The following CDH11 variants were observed in gnomAD, a reference collection of about 807,000 sequenced individuals.
CDH11 encodes cadherin-11.
In CDH11, 11 loss-of-function variants were observed where a neutral mutation model predicts 67.8. That is an observed-to-expected ratio of 0.16 (90% CI 0.10 to 0.27). The LOEUF is 0.27. Among genes scored for constraint, CDH11 ranks in the 10% least tolerant of loss-of-function variants. The probability of loss-of-function intolerance (pLI) is 1.00; values close to 1 mark genes in which losing one functional copy is unlikely to be tolerated. For missense variants in CDH11, 847 were observed against 1,031.2 expected (o/e 0.82, Z 2.45); for synonymous variants, 419 against 400.0 (o/e 1.05, Z -0.57).
chr16:65,054,656 A>G (rs1034990721), intron 1 of CDH11, among the ~76,000 whole-genome samples: 2 of 152,208 alleles, frequency 1.3e-5, no homozygotes, highest in African/African-American at 4.8e-5. Context: ...AGAAAGGAAT[A>G]TGGAGTGTCT....
rs2071176229 is a variant in CDH11 at position 64,945,302 on chromosome 16, A to AAAAAAAAAAAAAAAAAAG, written c.*2283_*2300dup. On this transcript the variant is annotated 3_prime_UTR_variant, in exon 13 of 13. Transcript: ENST00000268603. ...GAGGCTTAACGAAAAAATAAAAGGT[A>AAAAAAAAAAAAAAAAAAG]AAAAAAAAAAAAAAAAAGAAAAAGA... is the stretch of plus-strand genomic sequence containing the variant. 1 of 17,554 alleles carries AAAAAAAAAAAAAAAAAAG rather than the reference A, an allele frequency of 5.7e-5. No homozygotes were observed. The highest frequency in any genetic ancestry group is 6.3e-4 in the African/African-American group (1 of 1,594). The allele number at this position is 17,554 out of a possible 1,614,324, so 1.1% of individuals were successfully genotyped here. A position where few individuals can be genotyped will look rare whatever the true frequency, so the allele number is the denominator to read the frequency against.
At chr16:65,023,544 A>G (rs568149999) in intron 2 of CDH11, among the ~76,000 whole-genome samples, 9 of 152,304 alleles carry the variant, frequency 5.9e-5, no homozygotes, top group Middle Eastern at 3.4e-3. Flanking sequence ...GTAAAGAAAT[A>G]AAAGAGTGGC....
chr16:65,034,524 G>A (rs575762401), intron 2 of CDH11, among the ~76,000 whole-genome samples: 9 of 152,222 alleles, frequency 5.9e-5, no homozygotes, highest in East Asian at 1.9e-4. Flanking sequence ...GTTCAAAGCC[G>A]ACCTCTGCCC....
intron 1 of CDH11, among the ~76,000 whole-genome samples, chr16:65,074,149 A>C (rs1266161396): frequency 6.6e-6 from 1 of 152,188 alleles, no homozygotes; most frequent in Non-Finnish European, 1.5e-5. Flanking sequence ...AGTTCATTTA[A>C]CTTTCATTCC....
upstream of CDH11, chr16:65,122,330 C>T: frequency 3.4e-6 from 1 of 290,280 alleles, no homozygotes; most frequent in South Asian, 3.2e-5. Context: ...CCCCGTGGCG[C>T]GGCGCTCCGA....
At chr16:65,115,019 T>C (rs919588158) in intron 1 of CDH11, among the ~76,000 whole-genome samples, 1 of 152,200 alleles carries the variant, frequency 6.6e-6, no homozygotes, top group Non-Finnish European at 1.5e-5. Context: ...GGAGACGATT[T>C]ATCAAGAGAC....
At chr16:65,093,515 C>T (rs1230561731) in intron 1 of CDH11, among the ~76,000 whole-genome samples, 1 of 151,994 alleles carries the variant, frequency 6.6e-6, no homozygotes, top group Non-Finnish European at 1.5e-5. Flanking sequence ...AAAACCCACA[C>T]CTCTTAATAC....
At chr16:65,044,627 G>A (rs559925322) in intron 2 of CDH11, among the ~76,000 whole-genome samples, 11 of 152,062 alleles carry the variant, frequency 7.2e-5, no homozygotes, top group African/African-American at 1.4e-4. Flanking sequence ...CTGCTCACTC[G>A]GACAAATGGG....
intron 4 of CDH11, among the ~76,000 whole-genome samples, chr16:64,994,788 T>C (rs187249763): frequency 1.3e-5 from 2 of 152,286 alleles, no homozygotes; most frequent in East Asian, 3.9e-4. Flanking sequence ...TCACTAATGA[T>C]ATGATTCTAT....
chr16:65,054,415 T>C (rs1459071657), intron 1 of CDH11, among the ~76,000 whole-genome samples: 2 of 152,144 alleles, frequency 1.3e-5, no homozygotes, highest in African/African-American at 4.8e-5. Context: ...GTGGTGGTAA[T>C]AGGAGATACT....
chr16:65,101,881 C>T (rs1406470810), intron 1 of CDH11, among the ~76,000 whole-genome samples: 5 of 152,136 alleles, frequency 3.3e-5, no homozygotes, highest in African/African-American at 9.7e-5. Flanking sequence ...GAATGACTTT[C>T]GCTAAATGAA....
At chr16:65,086,814 G>A (rs1044983159) in intron 1 of CDH11, among the ~76,000 whole-genome samples, 1 of 152,124 alleles carries the variant, frequency 6.6e-6, no homozygotes, top group African/African-American at 2.4e-5. Context: ...AAGTCCCAGA[G>A]CACAAAAGGC....
rs71143551 is a variant in CDH11, at chr16:65,096,443, G to GTGTGTGTGTGTGTA, written c.-298+25436_-298+25437insTACACACACACACA. On this transcript the variant is annotated intron_variant, in intron 1 of 12. Transcript: ENST00000268603. ...TGTGTGTGTGTGTGTGTGTGTGTGT[G>GTGTGTGTGTGTGTA]TATATATATGTTTATATATGTGTGT... 1.2e-4 allele frequency among the ~76,000 whole-genome samples: 16 copies of GTGTGTGTGTGTGTA among 138,448 alleles called. No individual in the cohort carries two copies. The East Asian group carries it at 1.7e-3, about 15-fold the overall frequency. The allele number at this position is 138,448 out of a possible 152,430, so 90.8% of individuals were successfully genotyped here. A position where few individuals can be genotyped will look rare whatever the true frequency, so the allele number is the denominator to read the frequency against.
intron 1 of CDH11, among the ~76,000 whole-genome samples, chr16:65,106,266 T>C (rs1224235666): frequency 6.6e-6 from 1 of 152,152 alleles, no homozygotes; most frequent in Non-Finnish European, 1.5e-5. Context: ...GAGGAGTGAG[T>C]TCCTTCTTGT....
intron 11 of CDH11, 68 bp from the exon 12 acceptor site, chr16:64,951,086 C>G: frequency 6.6e-7 from 1 of 1,517,722 alleles, no homozygotes; most frequent in Non-Finnish European, 9.0e-7. Context: ...GCTCTCTGCT[C>G]GGCAGATTTG....
chr16:64,991,044 T>A (rs1018429856), intron 6 of CDH11, among the ~76,000 whole-genome samples: 1 of 152,210 alleles, frequency 6.6e-6, no homozygotes, highest in African/African-American at 2.4e-5. Context: ...GTGAGCCTTA[T>A]GACTCCAGTG....
At chr16:64,979,464 T>C (rs2072269645) in intron 8 of CDH11, among the ~76,000 whole-genome samples, 1 of 151,672 alleles carries the variant, frequency 6.6e-6, no homozygotes, top group Admixed American at 6.6e-5. Flanking sequence ...AATAAATAAA[T>C]AAATAAAAGA....
intron 2 of CDH11, among the ~76,000 whole-genome samples, chr16:65,049,543 C>A (rs1337741147): frequency 6.6e-6 from 1 of 152,152 alleles, no homozygotes; most frequent in South Asian, 2.1e-4. Flanking sequence ...GTACCTGGTA[C>A]AAGGGCATGC....
At chr16:64,952,188 T>C (rs1267207182) in intron 11 of CDH11, among the ~76,000 whole-genome samples, 1 of 152,184 alleles carries the variant, frequency 6.6e-6, no homozygotes, top group Admixed American at 6.6e-5. Flanking sequence ...CAAAATATAA[T>C]TCAAAAGTCA....
Sources: allele counts gnomAD v4.1 joint callset (sites outside exome capture counted in the v4.1 genomes callset), GRCh38; gene constraint gnomAD v4.1.1; transcripts MANE v1.5; gene names NCBI Gene and HGNC (gene_info 2026-07-23, HGNC 2026-07-21).